Variants in NAALADL2 observed in about 807,000 individuals in gnomAD.
NAALADL2 encodes inactive N-acetylated-alpha-linked acidic dipeptidase-like protein 2.
In NAALADL2, 76 loss-of-function variants were observed where a neutral mutation model predicts 87.2. The ratio of observed to expected loss-of-function variants is 0.87; its 90% confidence interval spans 0.72 to 1.05. The LOEUF is 1.05. Among genes scored for constraint, NAALADL2 ranks in the 50% least tolerant of loss-of-function variants. NAALADL2 has a pLI of 0.00. For missense variants in NAALADL2, 1,089 were observed against 945.8 expected, an observed-to-expected ratio of 1.15 and a Z score of -1.99; for synonymous variants, 354 against 331.0, an observed-to-expected ratio of 1.07 and a Z score of -0.75.
At chr3:175,273,733 C>T (rs75926634) in intron 4 of NAALADL2, among the ~76,000 whole-genome samples, 22 of 148,738 alleles carry the variant, frequency 1.5e-4, no homozygotes, top group South Asian at 4.2e-4. Context: ...TGTGTGTGTG[C>T]GTGTGTGTGT....
At chr3:175,041,134 T>C (rs1045257927) in intron 1 of NAALADL2, among the ~76,000 whole-genome samples, 3 of 152,172 alleles carry the variant, frequency 2.0e-5, no homozygotes, top group Admixed American at 1.3e-4. Context: ...AAGTCACTTT[T>C]CATGCTGATG....
intron 1 of NAALADL2, among the ~76,000 whole-genome samples, chr3:175,026,778 C>A (rs114778095): frequency 2.4e-3 from 372 of 152,152 alleles, no homozygotes; most frequent in African/African-American, 8.2e-3. Flanking sequence ...AACTACAATG[C>A]CTTCAGATCC....
chr3:174,658,669 C>T (rs145005373), intron 2 of NAALADL2, among the ~76,000 whole-genome samples: 150 of 152,172 alleles, frequency 9.9e-4, no homozygotes, highest in Admixed American at 3.1e-3. Context: ...TTATACTTTA[C>T]TTTTAATATT....
At chr3:175,647,512 A>G (rs549881182) in intron 11 of NAALADL2, among the ~76,000 whole-genome samples, 5 of 152,306 alleles carry the variant, frequency 3.3e-5, no homozygotes, top group South Asian at 2.1e-4. Flanking sequence ...ATTAAGTCCA[A>G]TTAGAATATC....
chr3:175,066,509 C>T (rs1027832581), intron 1 of NAALADL2, among the ~76,000 whole-genome samples: 16 of 152,244 alleles, frequency 1.1e-4, no homozygotes, highest in African/African-American at 3.6e-4. Flanking sequence ...TTTTCAGCAG[C>T]AGAAACAACC....
intron 1 of NAALADL2, among the ~76,000 whole-genome samples, chr3:174,968,528 G>A (rs1235161530): frequency 1.3e-5 from 2 of 152,048 alleles, no homozygotes; most frequent in Non-Finnish European, 1.5e-5. Flanking sequence ...CACCCAGGCT[G>A]CAGTGTAGTG....
Position 175,258,712 on chromosome 3 carries a change from A to G in NAALADL2, c.939+2182A>G, listed in dbSNP as rs574069871. 5.6e-4 allele frequency among the ~76,000 whole-genome samples: 86 copies of G among 152,288 alleles called. 1 individual carries two copies. In the South Asian group the frequency reaches 0.018, roughly 31 times the overall value. On this transcript the variant is annotated intron_variant, in intron 4 of 13. Transcript: ENST00000454872. ...TGCATGCCTGGTGACTGGGGCTTCA[A>G]TGGAACCACATGGAGGGCTTAATGT...
chr3:174,900,039 CAAAACAAAAAT>C (rs1207394988), intron 1 of NAALADL2, among the ~76,000 whole-genome samples: 1 of 151,478 alleles, frequency 6.6e-6, no homozygotes, highest in Non-Finnish European at 1.5e-5. Flanking sequence ...AGAAGTTTGG[CAAAACAAAAAT>C]AAAACAAAAC....
chr3:174,757,294 TA>T (rs1409775193), intron 3 of NAALADL2, among the ~76,000 whole-genome samples: 2 of 152,076 alleles, frequency 1.3e-5, no homozygotes, highest in Non-Finnish European at 2.9e-5. Context: ...TGAGACTAAG[TA>T]CATGGATATC....
At chr3:175,087,347 G>A (rs1471754797) in intron 1 of NAALADL2, among the ~76,000 whole-genome samples, 2 of 151,710 alleles carry the variant, frequency 1.3e-5, no homozygotes, top group Non-Finnish European at 2.9e-5. Flanking sequence ...GCCTCTGCAC[G>A]GCCGCCCCGT....
intron 11 of NAALADL2, among the ~76,000 whole-genome samples, chr3:175,670,556 T>TG (rs368887426): frequency 3.8e-5 from 3 of 79,622 alleles, no homozygotes; most frequent in African/African-American, 1.4e-4. Context: ...TTACATTATA[T>TG]TAAAATTTAA....
chr3:174,959,241 G>T (rs1365111598), intron 1 of NAALADL2, among the ~76,000 whole-genome samples: 3 of 152,062 alleles, frequency 2.0e-5, no homozygotes, highest in Non-Finnish European at 4.4e-5. Context: ...CAGCTGACAT[G>T]ATGTTACTGG....
At chr3:175,681,150 T>G (rs1735541265) in intron 11 of NAALADL2, among the ~76,000 whole-genome samples, 1 of 152,092 alleles carries the variant, frequency 6.6e-6, no homozygotes, top group Non-Finnish European at 1.5e-5. Context: ...CCTTTATAAT[T>G]CTTATCTAAA....
chr3:175,331,105 G>C (rs539008926), intron 5 of NAALADL2, among the ~76,000 whole-genome samples: 1 of 152,196 alleles, frequency 6.6e-6, no homozygotes, highest in Admixed American at 6.5e-5. Context: ...GGAAGAAATA[G>C]AAAACCTGGA....
chr3:175,448,599 T>C (rs1034568378), intron 6 of NAALADL2, among the ~76,000 whole-genome samples: 1 of 152,178 alleles, frequency 6.6e-6, no homozygotes, highest in Non-Finnish European at 1.5e-5. Context: ...TGGAAGCCTC[T>C]ATGTCTGCAG....
At chr3:174,699,837 CTTTTT>C in intron 2 of NAALADL2, among the ~76,000 whole-genome samples, 1 of 125,026 alleles carries the variant, frequency 8.0e-6, no homozygotes, top group African/African-American at 3.0e-5. Flanking sequence ...TTTTAAGATG[CTTTTT>C]TTTTTTTTTT....
At chr3:175,771,566 C>T (rs773922088) in intron 13 of NAALADL2, among the ~76,000 whole-genome samples, 3 of 152,136 alleles carry the variant, frequency 2.0e-5, no homozygotes, top group Non-Finnish European at 4.4e-5. Context: ...AATCCGTTCC[C>T]TGTGGCTGTG....
intron 10 of NAALADL2, among the ~76,000 whole-genome samples, chr3:175,624,983 T>C (rs2149710047): frequency 6.6e-6 from 1 of 152,154 alleles, no homozygotes; most frequent in African/African-American, 2.4e-5. Flanking sequence ...TGTAGAATTA[T>C]TAATCACTTG....
At chr3:175,518,036 A>G (rs1456332258) in intron 9 of NAALADL2, among the ~76,000 whole-genome samples, 1 of 152,168 alleles carries the variant, frequency 6.6e-6, no homozygotes, top group Non-Finnish European at 1.5e-5. Context: ...GAGAAGATGG[A>G]GCTGCCGTTT....
Sources: allele counts gnomAD v4.1 joint callset (sites outside exome capture counted in the v4.1 genomes callset), GRCh38; gene constraint gnomAD v4.1.1; transcripts MANE v1.5; gene names NCBI Gene and HGNC (gene_info 2026-07-23, HGNC 2026-07-21).